SLC44A1: variants seen among roughly 807,000 people sequenced by gnomAD.
The protein encoded by SLC44A1 is choline transporter-like protein 1.
Under a neutral mutation model 79.3 loss-of-function variants are expected in SLC44A1, and 26 were observed. That is an observed-to-expected ratio of 0.33 (90% CI 0.24 to 0.46). The LOEUF (loss-of-function observed/expected upper bound fraction) is 0.46, where lower values mean the gene tolerates loss of function less well. SLC44A1 is among the 20% of genes least tolerant of loss of function. The probability of loss-of-function intolerance (pLI) is 1.00; values close to 1 mark genes in which losing one functional copy is unlikely to be tolerated. For missense variants in SLC44A1, 688 were observed against 798.1 expected (o/e 0.86, Z 1.66); for synonymous variants, 263 against 286.2 (o/e 0.92, Z 0.82).
chr9:105,408,464 T>C (rs1312142440), intron 15 of SLC44A1, among the ~76,000 whole-genome samples: 1 of 152,168 alleles, frequency 6.6e-6, no homozygotes, highest in African/African-American at 2.4e-5. Context: ...AGGCTGAGTG[T>C]AGTGGCATGA....
chr9:105,277,572 ACAAG>A (rs1029453478), intron 1 of SLC44A1, among the ~76,000 whole-genome samples: 23 of 152,322 alleles, frequency 1.5e-4, no homozygotes, highest in African/African-American at 5.3e-4. Context: ...CCTGGAAAAA[ACAAG>A]CAAACAAAAA....
At chr9:105,253,950 T>C (rs1829646109) in intron 1 of SLC44A1, among the ~76,000 whole-genome samples, 2 of 152,166 alleles carry the variant, frequency 1.3e-5, no homozygotes, top group Non-Finnish European at 2.9e-5. Flanking sequence ...CTCGAACTCC[T>C]GACCTTGTGA....
At chr9:105,266,356 T>C (rs1829961634) in intron 1 of SLC44A1, among the ~76,000 whole-genome samples, 1 of 152,204 alleles carries the variant, frequency 6.6e-6, no homozygotes, top group Non-Finnish European at 1.5e-5. Flanking sequence ...GAATTATGCT[T>C]TTGATATCAT....
Position 105,389,493 on chromosome 9 carries a change from T to C in SLC44A1, c.*437T>C. ...TCTGTATAAAATCAAGATCTTATTT[T>C]ACTGATGCATAAGTCCTAGTGGGTC... is the stretch of plus-strand genomic sequence containing the variant. On this transcript the variant is annotated 3_prime_UTR_variant, in exon 16 of 16. Transcript: ENST00000374720. The C allele has an allele frequency of 7.7e-6, 8 of 1,039,722 alleles. 1 individual carries two copies. Among genetic ancestry groups the C allele is most frequent in the Non-Finnish European group, 8.1e-6 (7 of 865,122 alleles). The allele number at this position is 1,039,722 out of a possible 1,614,324, so 64.4% of individuals were successfully genotyped here. A position where few individuals can be genotyped will look rare whatever the true frequency, so the allele number is the denominator to read the frequency against.
rs1326016716 is a variant in SLC44A1 at position 105,391,759 on chromosome 9, T to C, written c.*2703T>C. The stretch of plus-strand genomic sequence containing the variant: ...CCATCTTCTGCCCAAGTGAGAAGAA[T>C]AGATGAAGAACAGAAATTTCTCTGT... On this transcript the variant is annotated 3_prime_UTR_variant, in exon 16 of 16. Coordinates refer to ENST00000374720, the MANE Select transcript of SLC44A1 (RefSeq NM_080546.5). The C allele has an allele frequency of 1.0e-6, 1 of 985,270 alleles. No homozygotes were observed. The highest frequency in any genetic ancestry group is 1.2e-6 in the Non-Finnish European group (1 of 829,934). The allele number at this position is 985,270 out of a possible 1,614,324, so 61.0% of individuals were successfully genotyped here.
intron 1 of SLC44A1, among the ~76,000 whole-genome samples, chr9:105,256,064 A>AG (rs1448630435): frequency 6.6e-6 from 1 of 152,080 alleles, no homozygotes; most frequent in Non-Finnish European, 1.5e-5. Context: ...CCCTGGCTGG[A>AG]GTGCAGTAGT....
At chr9:105,363,517 T>G (rs1827847934) in intron 9 of SLC44A1, among the ~76,000 whole-genome samples, 1 of 150,396 alleles carries the variant, frequency 6.6e-6, no homozygotes, top group African/African-American at 2.5e-5. Flanking sequence ...CAAACTGGAG[T>G]GCAGTGGTGT....
At chr9:105,299,601 T>A in intron 2 of SLC44A1, 1 of 284,534 alleles carries the variant, frequency 3.5e-6, no homozygotes, top group Non-Finnish European at 6.2e-6. Flanking sequence ...TCATGAGCCC[T>A]GCATATTCAC....
rs1828887164 is a variant in SLC44A1, at chr9:105,396,873, A to AT, written c.*7824dup. ...ATCATTTACCTTACCATTATTTTGG[A>AT]TTTTTTTCTTATTACAGTGTCACTA... On this transcript the variant is annotated 3_prime_UTR_variant, in exon 16 of 16. Transcript: ENST00000374720. The AT allele has an allele frequency of 1.0e-6, 1 of 985,060 alleles. No individual in the cohort carries two copies. Among genetic ancestry groups the AT allele is most frequent in the Non-Finnish European group, 1.2e-6 (1 of 829,784 alleles). The allele number at this position is 985,060 out of a possible 1,614,324, so 61.0% of individuals were successfully genotyped here.
At chr9:105,294,776 T>G (rs984257775) in intron 1 of SLC44A1, 1 of 144,600 alleles carries the variant, frequency 6.9e-6, no homozygotes, top group Non-Finnish European at 1.6e-5. Context: ...TCATTCTGTC[T>G]TCTTCTTGGA....
chr9:105,289,516 A>G (rs1177333896), intron 1 of SLC44A1, among the ~76,000 whole-genome samples: 2 of 152,204 alleles, frequency 1.3e-5, no homozygotes, highest in Admixed American at 6.5e-5. Flanking sequence ...TGGTATTTAC[A>G]TAGTGTGCTG....
rs1828792653 is a variant in SLC44A1 at position 105,392,662 on chromosome 9, C to T, written c.*3606C>T. On this transcript the variant is annotated 3_prime_UTR_variant, in exon 16 of 16. Coordinates refer to ENST00000374720, the MANE Select transcript of SLC44A1 (RefSeq NM_080546.5). ...TGCAGGCACCACATATGTGTGAGGC[C>T]ACATCACTGCCCCTGAGGCTTCAAC... 2.0e-6 allele frequency: 2 copies of T among 985,244 alleles called. No homozygotes were observed. Among genetic ancestry groups the T allele is most frequent in the South Asian group, 4.7e-5 (1 of 21,268 alleles). 61.0% of individuals were successfully genotyped at this position (985,244 alleles called of 1,614,324 possible).
At chr9:105,319,851 A>C (rs2131329064) in intron 3 of SLC44A1, among the ~76,000 whole-genome samples, 1 of 152,340 alleles carries the variant, frequency 6.6e-6, no homozygotes, top group South Asian at 2.1e-4. Context: ...GAAATTTAAA[A>C]ATATTTCATT....
intron 1 of SLC44A1, chr9:105,294,725 TG>T (rs1159860761): frequency 6.6e-6 from 1 of 152,140 alleles, no homozygotes; most frequent in East Asian, 1.9e-4. Context: ...TCATTATTTT[TG>T]GAAAATTTGC....
At chr9:105,325,331 A>G (rs891574101) in intron 3 of SLC44A1, among the ~76,000 whole-genome samples, 2 of 152,240 alleles carry the variant, frequency 1.3e-5, no homozygotes, top group African/African-American at 4.8e-5. Context: ...GTAGTTGCCT[A>G]GGGCTGGGGA....
intron 1 of SLC44A1, among the ~76,000 whole-genome samples, chr9:105,293,492 G>A (rs1255344357): frequency 6.6e-6 from 1 of 152,180 alleles, no homozygotes; most frequent in Non-Finnish European, 1.5e-5. Flanking sequence ...CTTTTTGTAT[G>A]TAATCTGGAT....
chr9:105,385,472 C>A lies in SLC44A1; in HGVS notation c.1920C>A (p.Gly640=). 1 of 1,584,192 alleles carries A rather than the reference C, an allele frequency of 6.3e-7. No individual in the cohort carries two copies. The highest frequency in any genetic ancestry group is 2.3e-5 in the East Asian group (1 of 44,206). The part of the protein sequence containing the change: ...RKAMKEAGKG[G]VADSRELKPM... ...CAATGAAAGAAGCTGGTAAGGGAGG[C>A]GTCGCTGATTCCAGAGAGCTAAAGC... Residue 640 remains glycine, a synonymous_variant, in exon 15 of 16, where the codon GGC becomes GGA. Coordinates refer to ENST00000374720, the MANE Select transcript of SLC44A1 (RefSeq NM_080546.5).
intron 15 of SLC44A1, among the ~76,000 whole-genome samples, chr9:105,428,522 G>A (rs1023816938): frequency 6.6e-6 from 1 of 152,160 alleles, no homozygotes; most frequent in African/African-American, 2.4e-5. Flanking sequence ...TTTTGGTCCT[G>A]GGCAAGTTAC....
chr9:105,286,492 C>G (rs144572309), intron 1 of SLC44A1, among the ~76,000 whole-genome samples: 11 of 152,272 alleles, frequency 7.2e-5, no homozygotes, highest in African/African-American at 2.6e-4. Flanking sequence ...TAAAATCTGT[C>G]TCTTTGTATG....
Sources: allele counts gnomAD v4.1 joint callset (sites outside exome capture counted in the v4.1 genomes callset), GRCh38; gene constraint gnomAD v4.1.1; transcripts MANE v1.5; gene names NCBI Gene and HGNC (gene_info 2026-07-23, HGNC 2026-07-21).